The following MARCHF1 variants were observed in gnomAD, a reference collection of about 807,000 sequenced individuals.
MARCHF1 encodes the protein membrane associated ring-CH-type finger 1.
A neutral mutation model predicts 54.2 loss-of-function variants in MARCHF1; 40 were observed. The ratio of observed to expected loss-of-function variants is 0.74; its 90% CI spans 0.57 to 0.96. MARCHF1 has a LOEUF of 0.96. MARCHF1 is among the 40% of genes least tolerant of loss of function. MARCHF1 has a pLI of 0.00. For synonymous variants in MARCHF1, 236 were observed against 236.3 expected (o/e 1.00, Z 0.01); for missense variants, 586 against 656.5 (o/e 0.89, Z 1.17).
chr4:164,120,911 A>T (rs1386459006), intron 1 of MARCHF1, among the ~76,000 whole-genome samples: 1 of 152,070 alleles, frequency 6.6e-6, no homozygotes, highest in Non-Finnish European at 1.5e-5. Flanking sequence ...CTAATGATGC[A>T]TTTTGAATAA....
chr4:164,097,337 T>C (rs1260040940), intron 2 of MARCHF1, among the ~76,000 whole-genome samples: 1 of 152,182 alleles, frequency 6.6e-6, no homozygotes, highest in Non-Finnish European at 1.5e-5. Context: ...CTGAAATTGA[T>C]CATCTCTTGA....
intron 1 of MARCHF1, among the ~76,000 whole-genome samples, chr4:164,239,756 C>T (rs1250932617): frequency 6.6e-6 from 1 of 152,136 alleles, no homozygotes; most frequent in Non-Finnish European, 1.5e-5. Flanking sequence ...AACTTGAACA[C>T]TCACAAAATA....
intron 1 of MARCHF1, among the ~76,000 whole-genome samples, chr4:164,248,293 C>T (rs1733018964): frequency 6.6e-6 from 1 of 151,976 alleles, no homozygotes; most frequent in African/African-American, 2.4e-5. Context: ...AGTCTTTTAG[C>T]AGTTGAATTT....
intron 1 of MARCHF1, among the ~76,000 whole-genome samples, chr4:164,138,164 T>G (rs71616618): frequency 6.6e-6 from 1 of 152,094 alleles, no homozygotes; most frequent in Middle Eastern, 3.2e-3. Context: ...GACATTTTCA[T>G]TTATTAAGTT....
At chr4:164,380,080 C>A (rs1035521310) in intron 1 of MARCHF1, among the ~76,000 whole-genome samples, 1 of 151,576 alleles carries the variant, frequency 6.6e-6, no homozygotes. Context: ...AATTTGTTGC[C>A]AGCACACTTG....
intron 3 of MARCHF1, among the ~76,000 whole-genome samples, chr4:163,938,647 T>G (rs1751850080): frequency 6.6e-6 from 1 of 152,132 alleles, no homozygotes; most frequent in African/African-American, 2.4e-5. Flanking sequence ...GGTTTCATGC[T>G]GTTATGAAGA....
chr4:164,144,576 G>A (rs2110878976), intron 1 of MARCHF1, among the ~76,000 whole-genome samples: 1 of 151,278 alleles, frequency 6.6e-6, no homozygotes, highest in Admixed American at 6.6e-5. Flanking sequence ...TGACTACTGG[G>A]TACATAACGA....
intron 4 of MARCHF1, among the ~76,000 whole-genome samples, chr4:163,785,683 A>G (rs1380575601): frequency 6.6e-6 from 1 of 152,044 alleles, no homozygotes; most frequent in Non-Finnish European, 1.5e-5. Flanking sequence ...ATATATTCCC[A>G]TAGTACCTGT....
At chr4:164,383,589 T>A (rs1054493064) in intron 1 of MARCHF1, 1 of 152,190 alleles carries the variant, frequency 6.6e-6, no homozygotes, top group Non-Finnish European at 1.5e-5. Flanking sequence ...GGGCCAATAG[T>A]AGCAACTACC....
At chr4:164,132,522 A>G (rs1444381805) in intron 1 of MARCHF1, among the ~76,000 whole-genome samples, 2 of 152,174 alleles carry the variant, frequency 1.3e-5, no homozygotes, top group Non-Finnish European at 2.9e-5. Flanking sequence ...ACTATTAGTG[A>G]TCATCAACTA....
chr4:164,310,139 G>A (rs1052671592), intron 1 of MARCHF1, among the ~76,000 whole-genome samples: 5 of 151,724 alleles, frequency 3.3e-5, no homozygotes, highest in Admixed American at 6.6e-5. Flanking sequence ...GTGCAGTGGC[G>A]CCATCTCGGC....
chr4:164,379,937 GCT>G (rs1011140634), intron 1 of MARCHF1, among the ~76,000 whole-genome samples: 1 of 151,048 alleles, frequency 6.6e-6, no homozygotes, highest in African/African-American at 2.4e-5. Flanking sequence ...ACAGAGTGAG[GCT>G]CTGTCTCAAA....
intron 4 of MARCHF1, among the ~76,000 whole-genome samples, chr4:163,747,671 A>G (rs1043550026): frequency 3.9e-5 from 6 of 152,238 alleles, no homozygotes; most frequent in Admixed American, 2.6e-4. Flanking sequence ...ATAACATAAC[A>G]ATATAACAAC....
intron 2 of MARCHF1, among the ~76,000 whole-genome samples, chr4:163,995,860 A>G (rs975764128): frequency 5.3e-5 from 8 of 152,012 alleles, no homozygotes; most frequent in Admixed American, 3.9e-4. Context: ...TCTTTCATCA[A>G]TTTCTGACCC....
intron 1 of MARCHF1, among the ~76,000 whole-genome samples, chr4:164,277,703 G>T (rs976377182): frequency 9.9e-5 from 15 of 152,190 alleles, no homozygotes; most frequent in Non-Finnish European, 1.5e-4. Context: ...CATACAGCAT[G>T]CAACACAACT....
chr4:164,194,321 T>C (rs745680306), intron 1 of MARCHF1, among the ~76,000 whole-genome samples: 4 of 152,178 alleles, frequency 2.6e-5, no homozygotes, highest in Non-Finnish European at 5.9e-5. Flanking sequence ...TTTCTAAAAT[T>C]ACTTTAAGAA....
At chr4:163,965,070 A>G (rs191777774) in intron 3 of MARCHF1, among the ~76,000 whole-genome samples, 1 of 152,130 alleles carries the variant, frequency 6.6e-6, no homozygotes, top group African/African-American at 2.4e-5. Flanking sequence ...ATGAAACACC[A>G]GTGTTATATT....
intron 4 of MARCHF1, among the ~76,000 whole-genome samples, chr4:163,702,929 T>C (rs1016729938): frequency 6.6e-6 from 1 of 152,102 alleles, no homozygotes; most frequent in Non-Finnish European, 1.5e-5. Context: ...GGTAGGACAG[T>C]GGTGTACGCT....
chr4:164,291,260 C>CT (rs989481234), intron 1 of MARCHF1, among the ~76,000 whole-genome samples: 2 of 151,766 alleles, frequency 1.3e-5, no homozygotes, highest in African/African-American at 4.8e-5. Context: ...TAATAGGAGT[C>CT]TTTTTTGGAA....
Sources: gnomAD v4.1 joint callset for allele counts (sites outside exome capture counted in the v4.1 genomes callset) on GRCh38, gnomAD v4.1.1 for gene constraint, MANE v1.5 for transcripts, NCBI Gene and HGNC (gene_info 2026-07-23, HGNC 2026-07-21) for gene names.